The following PTPN5 variants were observed in gnomAD, a reference collection of about 807,000 sequenced individuals.
The protein encoded by PTPN5 is tyrosine-protein phosphatase non-receptor type 5.
Under a neutral mutation model 73.9 loss-of-function variants are expected in PTPN5, and 29 were observed. The observed-to-expected ratio is 0.39, with a 90% CI of 0.29 to 0.54. The LOEUF is 0.54. Ranked by LOEUF, PTPN5 falls within the 20% of genes least tolerant of loss-of-function variation. The probability of loss-of-function intolerance (pLI) is 0.65; values close to 1 mark genes in which losing one functional copy is unlikely to be tolerated. For synonymous variants in PTPN5, 267 were observed against 304.7 expected (o/e 0.88, Z 1.29); for missense variants, 652 against 751.4 (o/e 0.87, Z 1.55).
At chr11:18,755,579 TA>T (rs34550947) in intron 3 of PTPN5, among the ~76,000 whole-genome samples, 100,687 of 151,838 alleles carry the variant, frequency 0.66, 34,137 homozygotes, top group Middle Eastern at 0.86. Context: ...ACTGGGAGGC[TA>T]ACTCAAGACT....
At chr11:18,776,403 C>T (rs1387036196) in intron 1 of PTPN5, among the ~76,000 whole-genome samples, 1 of 152,138 alleles carries the variant, frequency 6.6e-6, no homozygotes, top group Non-Finnish European at 1.5e-5. Flanking sequence ...ACTGGGTACT[C>T]CGTCTTCTGT....
chr11:18,773,511 G>A (rs4757717), intron 1 of PTPN5, among the ~76,000 whole-genome samples: 59,312 of 151,918 alleles, frequency 0.39, 12,772 homozygotes, highest in East Asian at 0.85. Context: ...TGCAGACCCA[G>A]AGGGGCTCTT....
At chr11:18,746,126 T>C (rs1404527488) in intron 3 of PTPN5, among the ~76,000 whole-genome samples, 1 of 144,320 alleles carries the variant, frequency 6.9e-6, no homozygotes, top group East Asian at 2.0e-4. Flanking sequence ...TAAATGGAGA[T>C]AATAATACAT....
chr11:18,743,498 A>C (rs957531389), intron 4 of PTPN5, 69 bp from the exon 5 acceptor site: 159 of 1,397,332 alleles, frequency 1.1e-4, no homozygotes, highest in Non-Finnish European at 1.5e-4. Flanking sequence ...AGCAGAGCTC[A>C]CCTGCAGCCT....
At chr11:18,784,043 T>C (rs562948355) in intron 1 of PTPN5, among the ~76,000 whole-genome samples, 1 of 152,174 alleles carries the variant, frequency 6.6e-6, no homozygotes, top group African/African-American at 2.4e-5. Context: ...GGACTCTCTA[T>C]TCCTAAGACT....
chr11:18,789,904 G>A lies in PTPN5; in HGVS notation c.-114+1621C>T, dbSNP rs11024794. On this transcript the variant is annotated intron_variant, in intron 1 of 14. Transcript: ENST00000358540. ...AATCACCGTTAAAGAACTTACTCAC[G>A]AAACCAAATACCACCTGTTCCCCAA... Among the ~76,000 whole-genome samples, 23 of 152,140 alleles carry A rather than the reference G, an allele frequency of 1.5e-4. No homozygotes were observed. The East Asian group carries it at 3.5e-3, about 23-fold the overall frequency.
intron 3 of PTPN5, among the ~76,000 whole-genome samples, chr11:18,749,900 C>T (rs951963796): frequency 6.6e-6 from 1 of 152,210 alleles, no homozygotes; most frequent in African/African-American, 2.4e-5. Flanking sequence ...TTCCTGTTTA[C>T]ATGAGAAAGC....
At position 18,729,737 on chromosome 11, in the gene PTPN5, G is replaced by A; in HGVS notation, c.1411C>T (p.Leu471Phe). The change falls in exon 13 of 15, where the codon CTC (leucine) becomes TTC (phenylalanine). Residue 471 changes from leucine (L) to phenylalanine (F), a missense_variant. Around this residue, in one of 3 missense-constraint regions of PTPN5, gnomAD observed 102 missense variants for 160.5 expected, o/e 0.64. Coordinates refer to ENST00000358540, the MANE Select transcript of PTPN5 (RefSeq NM_006906.2). This position sits in a 1 kb window ranked among gnomAD's most constrained non-coding sequence, Gnocchi z 5.2. Reference protein sequence around the residue: ...DQKTPDRAPPLLHLVREVEEA... With the variant: ...DQKTPDRAPPFLHLVREVEEA... ...TCCACCTCCCGCACCAGGTGCAGGA[G>A]TGGGGGGGCCCGGTCTGGGGTCTTC... The A allele has an allele frequency of 6.2e-7, 1 of 1,605,868 alleles. No individual in the cohort carries two copies. The highest frequency in any genetic ancestry group is 8.5e-7 in the Non-Finnish European group (1 of 1,174,280).
intron 3 of PTPN5, among the ~76,000 whole-genome samples, chr11:18,752,724 G>T (rs1849946941): frequency 6.6e-6 from 1 of 152,212 alleles, no homozygotes; most frequent in Non-Finnish European, 1.5e-5. Flanking sequence ...AGGGTGAAAA[G>T]GGTCAATGAA....
At chr11:18,767,493 T>C (rs1850692840) in intron 2 of PTPN5, among the ~76,000 whole-genome samples, 1 of 152,140 alleles carries the variant, frequency 6.6e-6, no homozygotes, top group Non-Finnish European at 1.5e-5. Context: ...GCCACCATCA[T>C]CTCTTGCCTA....
chr11:18,755,034 G>A (rs1469933004), intron 3 of PTPN5, among the ~76,000 whole-genome samples: 3 of 152,180 alleles, frequency 2.0e-5, no homozygotes, highest in Admixed American at 6.5e-5. Flanking sequence ...CTAGGATTAG[G>A]TCCTAAGAGA....
At chr11:18,763,936 C>T (rs1850514773) in intron 3 of PTPN5, among the ~76,000 whole-genome samples, 1 of 152,230 alleles carries the variant, frequency 6.6e-6, no homozygotes, top group South Asian at 2.1e-4. Context: ...CTCTTTCTTC[C>T]TCCACACCGT....
intron 3 of PTPN5, among the ~76,000 whole-genome samples, chr11:18,756,650 C>T (rs61886933): frequency 0.31 from 47,589 of 151,530 alleles, 8,961 homozygotes; most frequent in Admixed American, 0.47. Context: ...CGGCCGGGCG[C>T]GGTGGCTCAC....
At chr11:18,749,568 C>A in intron 3 of PTPN5, 1 of 513,186 alleles carries the variant, frequency 1.9e-6, no homozygotes, top group Admixed American at 2.0e-5. Flanking sequence ...GCTGATGAAG[C>A]CTCAAAGTAT....
chr11:18,777,621 G>A (rs1367108156), intron 1 of PTPN5, among the ~76,000 whole-genome samples: 2 of 152,162 alleles, frequency 1.3e-5, no homozygotes, highest in Non-Finnish European at 2.9e-5. Flanking sequence ...GCAAGATGAA[G>A]TAAATGAGAT....
chr11:18,737,958 G>A lies in PTPN5; in HGVS notation c.922C>T (p.Pro308Ser). The part of the protein sequence containing the change: ...FLLQAEFFEI[P>S]MNFVDPKEYD... Reference sequence around the variant, plus strand: ...TCTTTCGGATCCACAAAGTTCATGGGGATTTCCTGTGGAAGGAGGACACGG... The same window carrying A: ...TCTTTCGGATCCACAAAGTTCATGGAGATTTCCTGTGGAAGGAGGACACGG... Residue 308 changes from proline to serine, a missense_variant, in exon 9 of 15, where the codon CCC (proline) becomes TCC (serine). Transcript: ENST00000358540. 6.2e-7 allele frequency: 1 copy of A among 1,614,138 alleles called. No individual in the cohort carries two copies. Among genetic ancestry groups the A allele is most frequent in the African/African-American group, 1.3e-5 (1 of 75,044 alleles).
chr11:18,790,303 G>A (rs922997857), intron 1 of PTPN5, among the ~76,000 whole-genome samples: 10 of 152,156 alleles, frequency 6.6e-5, no homozygotes, highest in Admixed American at 2.0e-4. Context: ...GATGACTACA[G>A]GGGCCTGGTT....
chr11:18,775,118 A>C (rs1851084900), intron 1 of PTPN5, among the ~76,000 whole-genome samples: 1 of 152,210 alleles, frequency 6.6e-6, no homozygotes, highest in Non-Finnish European at 1.5e-5. Flanking sequence ...GCATTTTCTA[A>C]AGGCGGAAAT....
chr11:18,749,768 C>T, intron 3 of PTPN5, among the ~76,000 whole-genome samples: 1 of 152,222 alleles, frequency 6.6e-6, no homozygotes, highest in Non-Finnish European at 1.5e-5. Flanking sequence ...TGCAGCTACT[C>T]TGTGCCCTGG....
Sources: gnomAD v4.1 joint callset for allele counts (sites outside exome capture counted in the v4.1 genomes callset) on GRCh38, gnomAD v4.1.1 for gene constraint, gnomAD v4.1.1 regional missense constraint, Gnocchi (gnomAD v3.1) non-coding constraint, MANE v1.5 for transcripts, NCBI Gene and HGNC (gene_info 2026-07-23, HGNC 2026-07-21) for gene names.